The following HMHB1 variants were observed in gnomAD, a reference collection of about 807,000 sequenced individuals.
The protein encoded by HMHB1 is histocompatibility minor HB-1, also known as minor histocompatibility protein HB-1.
A neutral mutation model predicts 2.4 loss-of-function variants in HMHB1; 4 were observed. The ratio of observed to expected loss-of-function variants is 1.65; its 90% CI spans 0.81 to 3.77. The LOEUF is 3.77. HMHB1 is among the 30% of genes most tolerant of loss of function. HMHB1 has a pLI of 0.01. For synonymous variants in HMHB1, 22 were observed against 17.6 expected, an observed-to-expected ratio of 1.25 and a Z score of -0.63; for missense variants, 57 against 44.2, an observed-to-expected ratio of 1.29 and a Z score of -0.82.
At position 143,815,755 on chromosome 5, in the gene HMHB1, G is replaced by T. The variant is rs1055080580; in HGVS notation, c.37+3451G>T. The stretch of plus-strand genomic sequence containing the variant: ...CGCTCTGTCGCCCAGGCCGGACTGC[G>T]GACTGCAGTGGCGCAATCTCGGCTC... On this transcript the variant is annotated intron_variant, in intron 1 of 1. Transcript: ENST00000289448. Among the ~76,000 whole-genome samples, 20 of 146,594 alleles carry T rather than the reference G, an allele frequency of 1.4e-4. 1 individual carries two copies. In the East Asian group the frequency reaches 3.8e-3, roughly 28 times the overall value.
intron 1 of HMHB1, among the ~76,000 whole-genome samples, chr5:143,816,048 C>G (rs1274397973): frequency 6.6e-6 from 1 of 152,172 alleles, no homozygotes; most frequent in East Asian, 1.9e-4. Flanking sequence ...ATTAAGCTTT[C>G]TCAGATAACC....
At chr5:143,815,494 T>G (rs941804483) in intron 1 of HMHB1, among the ~76,000 whole-genome samples, 1 of 152,076 alleles carries the variant, frequency 6.6e-6, no homozygotes, top group Non-Finnish European at 1.5e-5. Flanking sequence ...CCTCTTCTAC[T>G]TTTTACTTTT....
chr5:143,819,621 T>G (rs760123670), intron 1 of HMHB1, among the ~76,000 whole-genome samples: 6 of 118,216 alleles, frequency 5.1e-5, no homozygotes, highest in Admixed American at 1.1e-4. Context: ...GGCGAGAGAG[T>G]GAGACTCTGT....
intron 1 of HMHB1, among the ~76,000 whole-genome samples, chr5:143,815,689 G>C (rs540072036): frequency 6.8e-6 from 1 of 147,268 alleles, no homozygotes; most frequent in Admixed American, 6.8e-5. Flanking sequence ...CACCATGCCT[G>C]GCTAATTTTT....
At chr5:143,818,994 A>C (rs1313911833) in intron 1 of HMHB1, among the ~76,000 whole-genome samples, 1 of 152,176 alleles carries the variant, frequency 6.6e-6, no homozygotes, top group East Asian at 1.9e-4. Flanking sequence ...GAACTAGAAA[A>C]CATAAAAACA....
At chr5:143,814,511 C>T (rs984748416) in intron 1 of HMHB1, among the ~76,000 whole-genome samples, 3 of 152,162 alleles carry the variant, frequency 2.0e-5, no homozygotes, top group Non-Finnish European at 4.4e-5. Context: ...ATAGTAGGAG[C>T]TCACTCAGGA....
chr5:143,813,122 C>T (rs879892293), intron 1 of HMHB1, among the ~76,000 whole-genome samples: 3 of 152,178 alleles, frequency 2.0e-5, no homozygotes, highest in African/African-American at 7.2e-5. Context: ...GCCGGGGAAG[C>T]CTGTGCTCTG....
intron 1 of HMHB1, among the ~76,000 whole-genome samples, chr5:143,812,776 T>A (rs1759706739): frequency 1.3e-5 from 2 of 152,146 alleles, no homozygotes; most frequent in South Asian, 4.1e-4. Context: ...ATGCTCCCAC[T>A]TCTTAGGATC....
chr5:143,820,638 T>C lies in HMHB1; in HGVS notation c.*70T>C, dbSNP rs188790213. The C allele has an allele frequency of 3.1e-6, 3 of 959,940 alleles. No homozygotes were observed. The highest frequency in any genetic ancestry group is 2.6e-5 in the South Asian group (2 of 75,762). The allele number at this position is 959,940 out of a possible 1,614,324, so 59.5% of individuals were successfully genotyped here. On this transcript the variant is annotated 3_prime_UTR_variant, in exon 2 of 2. Transcript: ENST00000289448. Reference sequence around the variant, plus strand: ...ATGAGCAGGGACAAATTGCTGAGCATGAAGAAGAGTAAAATTAAGCAAGTG... The same window carrying C: ...ATGAGCAGGGACAAATTGCTGAGCACGAAGAAGAGTAAAATTAAGCAAGTG...
intron 1 of HMHB1, among the ~76,000 whole-genome samples, chr5:143,818,761 C>A (rs1001076956): frequency 5.3e-5 from 8 of 151,798 alleles, no homozygotes; most frequent in Admixed American, 3.9e-4. Context: ...CGAGTACTTG[C>A]TATTTTTTTT....
At chr5:143,815,561 G>A (rs1396511876) in intron 1 of HMHB1, among the ~76,000 whole-genome samples, 2 of 146,868 alleles carry the variant, frequency 1.4e-5, no homozygotes, top group Non-Finnish European at 3.0e-5. Flanking sequence ...TCGCTCTGTC[G>A]CCCAGGCTGG....
intron 1 of HMHB1, among the ~76,000 whole-genome samples, chr5:143,815,928 G>A (rs894957349): frequency 2.8e-5 from 4 of 142,610 alleles, no homozygotes; most frequent in African/African-American, 2.8e-5. Context: ...GGATGGTCTC[G>A]ATCTCCTGAC....
At chr5:143,815,490 CT>C (rs1420599899) in intron 1 of HMHB1, among the ~76,000 whole-genome samples, 1 of 151,676 alleles carries the variant, frequency 6.6e-6, no homozygotes, top group African/African-American at 2.4e-5. Flanking sequence ...CTTCCCTCTT[CT>C]ACTTTTTACT....
In HMHB1 at chr5:143,815,201, T is replaced by C. The variant is rs560403092; in HGVS notation, c.37+2897T>C. Among the ~76,000 whole-genome samples the C allele has an allele frequency of 7.9e-5, 12 of 152,338 alleles. No homozygotes were observed. In the South Asian group the frequency reaches 2.5e-3, roughly 32 times the overall value. On this transcript the variant is annotated intron_variant, in intron 1 of 1. Transcript: ENST00000289448. ...GTTTCCTATTGTTGCTATACTGAAT[T>C]ACCACAAATTTAGTAGTTTAAATCT...
chr5:143,817,023 T>A (rs2126793668), intron 1 of HMHB1, among the ~76,000 whole-genome samples: 1 of 152,362 alleles, frequency 6.6e-6, no homozygotes, highest in Admixed American at 6.5e-5. Flanking sequence ...TGTCTATTCA[T>A]GTCCTTAGCC....
intron 1 of HMHB1, among the ~76,000 whole-genome samples, chr5:143,818,545 C>T (rs766759916): frequency 3.9e-5 from 6 of 152,166 alleles, no homozygotes; most frequent in Admixed American, 2.0e-4. Context: ...TTATTTATCA[C>T]AGTCAGACCA....
intron 1 of HMHB1, among the ~76,000 whole-genome samples, chr5:143,815,645 A>T (rs1338347353): frequency 6.7e-6 from 1 of 149,412 alleles, no homozygotes; most frequent in Non-Finnish European, 1.5e-5. Context: ...CTCCTGCTTC[A>T]GCCTCCTAAG....
At position 143,820,504 on chromosome 5, in the gene HMHB1, A is replaced by C. The variant is rs745984256; in HGVS notation, c.62A>C (p.Glu21Ala). 2.5e-5 allele frequency: 41 copies of C among 1,612,400 alleles called. No individual in the cohort carries two copies. Among genetic ancestry groups the C allele is most frequent in the Admixed American group, 5.0e-5 (3 of 59,954 alleles). ...GGTTCTCTGCATGTTTGGAAGTCGG[A>C]ATTGGTTGAAGTTGAAGATGATGTG... The change falls in exon 2 of 2, where the codon GAA becomes GCA. Residue 21 changes from glutamate to alanine, a missense_variant. Glu to Ala is a moderately radical substitution (Grantham distance 107, BLOSUM62 -1). Coordinates refer to ENST00000289448, the MANE Select transcript of HMHB1 (RefSeq NM_021182.3).
chr5:143,816,636 G>T (rs1241512385), intron 1 of HMHB1, among the ~76,000 whole-genome samples: 1 of 152,132 alleles, frequency 6.6e-6, no homozygotes, highest in Non-Finnish European at 1.5e-5. Flanking sequence ...CCATGATTTT[G>T]CACGTGCAAA....
Sources: allele counts gnomAD v4.1 joint callset (sites outside exome capture counted in the v4.1 genomes callset), GRCh38; gene constraint gnomAD v4.1.1; transcripts MANE v1.5; gene names NCBI Gene and HGNC (gene_info 2026-07-23, HGNC 2026-07-21).